The following PCDHGB1 variants were observed in gnomAD, a reference collection of about 807,000 sequenced individuals.
PCDHGB1 encodes protocadherin gamma-B1.
Under a neutral mutation model 56.6 loss-of-function variants are expected in PCDHGB1, and 34 were observed. The observed-to-expected ratio is 0.60, with a 90% CI of 0.46 to 0.80. The LOEUF (loss-of-function observed/expected upper bound fraction) is 0.80. Ranked by LOEUF, PCDHGB1 falls within the 30% of genes least tolerant of loss-of-function variation. The pLI, the probability that PCDHGB1 is intolerant of heterozygous loss-of-function variation, is 0.00. For synonymous variants in PCDHGB1, 561 were observed against 505.9 expected, an observed-to-expected ratio of 1.11 and a Z score of -1.46; for missense variants, 1,278 against 1,204.6, an observed-to-expected ratio of 1.06 and a Z score of -0.90.
At chr5:141,357,135 C>A in intron 1 of PCDHGB1, 1 of 1,613,504 alleles carries the variant, frequency 6.2e-7, no homozygotes, top group Non-Finnish European at 8.5e-7. Context: ...TTGTAGTGGT[C>A]GTCCAGGACC....
In PCDHGB1 at chr5:141,431,777, G is replaced by T. The variant is rs151011884; in HGVS notation, c.2410-63030G>T. 5,401 of 1,614,186 alleles carry T rather than the reference G, an allele frequency of 3.3e-3. 6 individuals are homozygous for T. Among genetic ancestry groups the T allele is most frequent in the Non-Finnish European group, 4.2e-3 (4,899 of 1,180,002 alleles). On this transcript the variant is annotated intron_variant, in intron 1 of 3. Coordinates refer to ENST00000523390, the MANE Select transcript of PCDHGB1 (RefSeq NM_018922.3). The surrounding 1 kb of genome is among the most constrained non-coding windows in gnomAD (Gnocchi z 4.8). ...CAAAGTCCTGATCACTGTTCTGGAC[G>T]TGAACGACAATGCCCCAGAAGTGGT...
intron 1 of PCDHGB1, chr5:141,414,447 C>A (rs2095748360): frequency 1.2e-6 from 2 of 1,613,848 alleles, no homozygotes; most frequent in East Asian, 2.2e-5. Flanking sequence ...CTTACAATAT[C>A]ACAGTGACAG....
chr5:141,361,931 G>A, intron 1 of PCDHGB1: 3 of 1,606,902 alleles, frequency 1.9e-6, no homozygotes, highest in Non-Finnish European at 2.5e-6. Context: ...GCAGACTCAG[G>A]ACACAACGCT....
chr5:141,409,205 A>T, intron 1 of PCDHGB1: 1 of 1,614,068 alleles, frequency 6.2e-7, no homozygotes, highest in African/African-American at 1.3e-5. Context: ...TAAAGTAATC[A>T]TAGAAATCCT....
chr5:141,425,559 G>A (rs1180113940), intron 1 of PCDHGB1, among the ~76,000 whole-genome samples: 2 of 152,176 alleles, frequency 1.3e-5, no homozygotes, highest in East Asian at 3.9e-4. Context: ...TCTTTTATAA[G>A]TGATAAGAAG....
At chr5:141,464,134 G>A (rs1270558696) in intron 1 of PCDHGB1, among the ~76,000 whole-genome samples, 1 of 151,944 alleles carries the variant, frequency 6.6e-6, no homozygotes, top group Admixed American at 6.6e-5. Context: ...GTGTGGTGGT[G>A]GGCGCCTGTA....
In PCDHGB1 at chr5:141,418,905, T is replaced by C. The variant is rs144920415; in HGVS notation, c.2409+66236T>C. The C allele has an allele frequency of 5.0e-6, 8 of 1,613,944 alleles. No homozygotes were observed. The East Asian group carries it at 1.8e-4, about 36-fold the overall frequency. ...AACGACAACAGCCCAGAAATAATCA[T>C]CACGTCACTCTCTGATCAGATTATG... On this transcript the variant is annotated intron_variant, in intron 1 of 3. Coordinates refer to ENST00000523390, the MANE Select transcript of PCDHGB1 (RefSeq NM_018922.3).
At chr5:141,374,686 C>A (rs765389244) in intron 1 of PCDHGB1, 1 of 1,609,760 alleles carries the variant, frequency 6.2e-7, no homozygotes, top group South Asian at 1.1e-5. Flanking sequence ...GCACACTGGA[C>A]CGGGAAGGAG....
chr5:141,423,531 C>T, intron 1 of PCDHGB1: 1 of 1,613,736 alleles, frequency 6.2e-7, no homozygotes, highest in South Asian at 1.1e-5. Context: ...AGAAGAGTCA[C>T]CTGATTTTCC....
At position 141,487,194 on chromosome 5, in the gene PCDHGB1, C is replaced by T. The variant is rs148502966; in HGVS notation, c.2410-7613C>T. 2 of 1,613,868 alleles carry T rather than the reference C, an allele frequency of 1.2e-6. No homozygotes were observed. The highest frequency in any genetic ancestry group is 1.3e-5 in the African/African-American group (1 of 75,030). On this transcript the variant is annotated intron_variant, in intron 1 of 3. Coordinates refer to ENST00000523390, the MANE Select transcript of PCDHGB1 (RefSeq NM_018922.3). The surrounding 1 kb of genome is among the most constrained non-coding windows in gnomAD (Gnocchi z 5.0). ...GAGGAAGACACTCATCCAGTTGTCC[C>T]AGATCTTCGAGAATCTTCAGCTCCA... is the stretch of plus-strand genomic sequence containing the variant.
chr5:141,455,533 T>C (rs1232689740), intron 1 of PCDHGB1, among the ~76,000 whole-genome samples: 1 of 152,134 alleles, frequency 6.6e-6, no homozygotes, highest in African/African-American at 2.4e-5. Flanking sequence ...TGACCAGGCA[T>C]ATCATTCACG....
At chr5:141,441,863 C>A in intron 1 of PCDHGB1, 2 of 342,418 alleles carry the variant, frequency 5.8e-6, no homozygotes, top group African/African-American at 2.2e-5. Flanking sequence ...CTGCACGCCG[C>A]GGAGCCTGGC....
chr5:141,410,091 G>C (rs778509378), intron 1 of PCDHGB1: 8 of 1,612,400 alleles, frequency 5.0e-6, no homozygotes, highest in South Asian at 1.1e-5. Context: ...CGCACGGCTC[G>C]AGCCTTAGGC....
chr5:141,368,520 A>G (rs886509819), intron 1 of PCDHGB1, among the ~76,000 whole-genome samples: 7 of 152,168 alleles, frequency 4.6e-5, no homozygotes, highest in Admixed American at 6.5e-5. Flanking sequence ...ATTCACTCCT[A>G]TGTGAAAACT....
chr5:141,388,007 G>A (rs2091194433), intron 1 of PCDHGB1: 1 of 1,480,702 alleles, frequency 6.8e-7, no homozygotes, highest in Non-Finnish European at 9.1e-7. Context: ...CCGAGGAAAT[G>A]CCCAAGGGCT....
At position 141,431,359 on chromosome 5, in the gene PCDHGB1, G is replaced by C; in HGVS notation, c.2410-63448G>C. ...CCGAATTGGTGCTGAAACGCGCCCT[G>C]GACCGCGAAGAAAAGGCTGCTCACC... On this transcript the variant is annotated intron_variant, in intron 1 of 3. Coordinates refer to ENST00000523390, the MANE Select transcript of PCDHGB1 (RefSeq NM_018922.3). This position sits in a 1 kb window ranked among gnomAD's most constrained non-coding sequence, Gnocchi z 4.8. The C allele has an allele frequency of 6.2e-7, 1 of 1,614,024 alleles. No homozygotes were observed. Among genetic ancestry groups the C allele is most frequent in the Non-Finnish European group, 8.5e-7 (1 of 1,180,030 alleles).
intron 1 of PCDHGB1, chr5:141,389,148 G>A (rs749167212): frequency 6.2e-7 from 1 of 1,613,996 alleles, no homozygotes. Context: ...AACCGTTACG[G>A]CAACAGATCG....
chr5:141,414,862 G>A (rs763491057), intron 1 of PCDHGB1: 1 of 1,614,226 alleles, frequency 6.2e-7, no homozygotes, highest in Non-Finnish European at 8.5e-7. Context: ...GAACGACAAT[G>A]CGCCCGAGAT....
In PCDHGB1 at chr5:141,432,612, C is replaced by T. The variant is rs752901891; in HGVS notation, c.2410-62195C>T. 1.9e-6 allele frequency: 3 copies of T among 1,613,912 alleles called. No individual in the cohort carries two copies. The highest frequency in any genetic ancestry group is 2.5e-6 in the Non-Finnish European group (3 of 1,179,970). On this transcript the variant is annotated intron_variant, in intron 1 of 3. Transcript: ENST00000523390. The surrounding 1 kb of genome is among the most constrained non-coding windows in gnomAD (Gnocchi z 6.0). ...AAGGCCAGCGAGCCGGGACTCTTCT[C>T]GGTGGGTCTGCACACGGGCGAGGTG...
Sources: allele counts gnomAD v4.1 joint callset (sites outside exome capture counted in the v4.1 genomes callset), GRCh38; gene constraint gnomAD v4.1.1; non-coding constraint Gnocchi (gnomAD v3.1); transcripts MANE v1.5; gene names NCBI Gene and HGNC (gene_info 2026-07-23, HGNC 2026-07-21).